The following STK10 variants were observed in gnomAD, a reference collection of about 807,000 sequenced individuals.
STK10 encodes serine/threonine-protein kinase 10.
Under a neutral mutation model 113.8 loss-of-function variants are expected in STK10, and 78 were observed. The observed-to-expected ratio is 0.69, with a 90% confidence interval of 0.57 to 0.83. The LOEUF (loss-of-function observed/expected upper bound fraction) is 0.83. STK10 is among the 40% of genes least tolerant of loss of function. The pLI is 0.00. For missense variants in STK10, 1,109 were observed against 1,280.1 expected (o/e 0.87, Z 2.04); for synonymous variants, 465 against 494.7 (o/e 0.94, Z 0.80).
intron 4 of STK10, among the ~76,000 whole-genome samples, chr5:172,115,748 T>C (rs1769369033): frequency 6.6e-6 from 1 of 152,208 alleles, no homozygotes; most frequent in Non-Finnish European, 1.5e-5. Flanking sequence ...CCCAAATCCA[T>C]CCTGCAAGAT....
chr5:172,082,576 A>G lies in STK10; in HGVS notation c.1810-71T>C, dbSNP rs1333838289. 1.3e-6 allele frequency: 2 copies of G among 1,498,302 alleles called. No homozygotes were observed. Among genetic ancestry groups the G allele is most frequent in the African/African-American group, 1.4e-5 (1 of 71,176 alleles). The allele number at this position is 1,498,302 out of a possible 1,614,324, so 92.8% of individuals were successfully genotyped here. A position where few individuals can be genotyped will look rare whatever the true frequency, so the allele number is the denominator to read the frequency against. ...ACCTGGGAGGGACATGGGAAGTGGA[A>G]TGGGGAGAACTCAGAGCTTGTGATC... On this transcript the variant is annotated intron_variant, in intron 11 of 18. Transcript: ENST00000176763. The surrounding 1 kb of genome is among the most constrained non-coding windows in gnomAD (Gnocchi z 4.3).
In STK10 at chr5:172,106,453, G is replaced by A. The variant is rs1055719155; in HGVS notation, c.788+167C>T. On this transcript the variant is annotated intron_variant, in intron 6 of 18. Transcript: ENST00000176763. ...AGGGAAAAAGAGGCACGAAGGGCCC[G>A]GGGGGGCTCAGAAACGCCTGAAGAC... is the stretch of plus-strand genomic sequence containing the variant. Among the ~76,000 whole-genome samples, 6 of 92,540 alleles carry A rather than the reference G, an allele frequency of 6.5e-5. 1 individual carries two copies. Among genetic ancestry groups the A allele is most frequent in the Admixed American group, 3.2e-4 (3 of 9,314 alleles). 60.7% of individuals were successfully genotyped at this position (92,540 alleles called of 152,430 possible).
At chr5:172,152,715 T>TGTAG (rs1367904130) in intron 2 of STK10, among the ~76,000 whole-genome samples, 1 of 152,222 alleles carries the variant, frequency 6.6e-6, no homozygotes, top group Non-Finnish European at 1.5e-5. Flanking sequence ...GGTGTGTGAA[T>TGTAG]CTACCTTTCT....
At position 172,136,084 on chromosome 5, in the gene STK10, C is replaced by A. The variant is rs78129052; in HGVS notation, c.322-8663G>T. On this transcript the variant is annotated intron_variant, in intron 2 of 18. Transcript: ENST00000176763. The stretch of plus-strand genomic sequence containing the variant: ...AGAAAAAGAAAAAAAGAAAAAAAAA[C>A]CTCAAATTACTACAATCAGAAATGA... Among the ~76,000 whole-genome samples, 21 of 151,648 alleles carry A rather than the reference C, an allele frequency of 1.4e-4. No homozygotes were observed. In the South Asian group the frequency reaches 2.7e-3, roughly 20 times the overall value.
chr5:172,154,720 C>T (rs3776751), intron 2 of STK10, among the ~76,000 whole-genome samples: 28,301 of 152,136 alleles, frequency 0.19, 2,863 homozygotes, highest in East Asian at 0.37. Context: ...GCATGACAGT[C>T]GCAGTCTAGT....
chr5:172,156,821 C>A, intron 1 of STK10, 33 bp from the exon 2 acceptor site: 1 of 1,594,048 alleles, frequency 6.3e-7, no homozygotes, highest in Admixed American at 1.7e-5. Context: ...GTCAACAAGG[C>A]ATGCTCCGCA....
At chr5:172,160,419 G>A (rs1305634032) in intron 1 of STK10, among the ~76,000 whole-genome samples, 3 of 151,690 alleles carry the variant, frequency 2.0e-5, no homozygotes, top group Non-Finnish European at 2.9e-5. Flanking sequence ...AGGTTGCAGT[G>A]AGCCGAGATC....
At chr5:172,150,047 C>CAAAAAA (rs35745235) in intron 2 of STK10, among the ~76,000 whole-genome samples, 4 of 87,096 alleles carry the variant, frequency 4.6e-5, no homozygotes, top group African/African-American at 1.3e-4. Flanking sequence ...AACTTTGTCT[C>CAAAAAA]AAAAAAAAAA....
intron 9 of STK10, among the ~76,000 whole-genome samples, chr5:172,091,176 C>T (rs141342632): frequency 2.2e-4 from 33 of 152,228 alleles, no homozygotes; most frequent in African/African-American, 7.9e-4. Context: ...CTTAGCATTT[C>T]TTTCTGACAG....
Position 172,188,074 on chromosome 5 carries a change from C to T in STK10, c.-32G>A, listed in dbSNP as rs762542959. ...GGGCGCGGTGGCGCCGGCTCGGGCT[C>T]GGGCTCGGGCTCGGGCTGTGGCTTC... On this transcript the variant is annotated 5_prime_UTR_variant, in exon 1 of 19. Transcript: ENST00000176763. This position sits in a 1 kb window ranked among gnomAD's most constrained non-coding sequence, Gnocchi z 5.6. 2.5e-6 allele frequency: 4 copies of T among 1,596,250 alleles called. No individual in the cohort carries two copies. The highest frequency in any genetic ancestry group is 2.7e-5 in the African/African-American group (2 of 74,456).
chr5:172,086,535 G>A (rs1355652780), intron 10 of STK10, among the ~76,000 whole-genome samples: 1 of 152,196 alleles, frequency 6.6e-6, no homozygotes, highest in African/African-American at 2.4e-5. Context: ...CGAGGGAACG[G>A]CAGAAGCCGT....
rs1483520161 is a variant in STK10 at position 172,054,601 on chromosome 5, C to T, written c.2620G>A (p.Glu874Lys). The T allele has an allele frequency of 1.9e-6, 3 of 1,609,510 alleles. No individual in the cohort carries two copies. Among genetic ancestry groups the T allele is most frequent in the Non-Finnish European group, 2.5e-6 (3 of 1,179,838 alleles). Reference sequence around the variant, plus strand: ...TGCTGCAGCTCGCTCATGTTGCTCTCACACTGCGCCAGCATGTCCCGCATC... The same window carrying T: ...TGCTGCAGCTCGCTCATGTTGCTCTTACACTGCGCCAGCATGTCCCGCATC... ...NQMRDMLAQC[E>K]SNMSELQQLQ... The change falls in exon 17 of 19, where the codon GAG becomes AAG. Residue 874 changes from glutamate (E) to lysine (K), a missense_variant. By Grantham distance (56) the Glu-to-Lys change is moderately conservative (BLOSUM62 1). Coordinates refer to ENST00000176763, the MANE Select transcript of STK10 (RefSeq NM_005990.4).
At chr5:172,059,160 C>T (rs1335375967) in intron 14 of STK10, among the ~76,000 whole-genome samples, 1 of 151,986 alleles carries the variant, frequency 6.6e-6, no homozygotes, top group Non-Finnish European at 1.5e-5. Context: ...GTGGCTCACA[C>T]CTGTAATCCC....
intron 1 of STK10, among the ~76,000 whole-genome samples, chr5:172,175,528 A>C (rs1770744161): frequency 6.6e-6 from 1 of 151,938 alleles, no homozygotes; most frequent in Non-Finnish European, 1.5e-5. Context: ...CCCCAGGAGC[A>C]CTCAGCTTCC....
rs185988381 is a variant in STK10, at chr5:172,088,656, C to T, written c.1685+1576G>A. 1.1e-3 allele frequency among the ~76,000 whole-genome samples: 169 copies of T among 152,254 alleles called. 1 individual carries two copies. The highest frequency in any genetic ancestry group is 3.8e-3 in the African/African-American group (159 of 41,536). ...CAAAGGCCTGGCCCCCAGGGGACTC[C>T]GTGGCTCCATGGCCTCCCTAAGTGT... is the stretch of plus-strand genomic sequence containing the variant. On this transcript the variant is annotated intron_variant, in intron 10 of 18. Transcript: ENST00000176763.
At chr5:172,073,897 G>A (rs1212768219) in intron 12 of STK10, among the ~76,000 whole-genome samples, 1 of 151,210 alleles carries the variant, frequency 6.6e-6, no homozygotes, top group African/African-American at 2.4e-5. Flanking sequence ...CCTGGGAGGC[G>A]GAGGTTGTAG....
chr5:172,056,954 GGAAAGAAAGAAAGAAA>G (rs758056970), intron 15 of STK10: 5 of 78,968 alleles, frequency 6.3e-5, no homozygotes, highest in South Asian at 4.0e-4. Context: ...AAAGAAAGAA[GGAAAGAAAGAAAGAAA>G]GAAAGAAAGA....
intron 2 of STK10, among the ~76,000 whole-genome samples, chr5:172,149,315 C>A (rs1770155227): frequency 6.6e-6 from 1 of 152,220 alleles, no homozygotes; most frequent in African/African-American, 2.4e-5. Context: ...TTTGTTACCA[C>A]CCCCTGCCTC....
intron 1 of STK10, among the ~76,000 whole-genome samples, chr5:172,181,801 ACT>A (rs1030347473): frequency 3.3e-5 from 5 of 151,932 alleles, no homozygotes; most frequent in African/African-American, 1.2e-4. Context: ...ACAGAGCAAG[ACT>A]CTGTCTAAAA....
Sources: gnomAD v4.1 joint callset for allele counts (sites outside exome capture counted in the v4.1 genomes callset) on GRCh38, gnomAD v4.1.1 for gene constraint, Gnocchi (gnomAD v3.1) non-coding constraint, MANE v1.5 for transcripts, NCBI Gene and HGNC (gene_info 2026-07-23, HGNC 2026-07-21) for gene names.